The following ANK1 variants were observed in gnomAD, a reference collection of about 807,000 sequenced individuals.
ANK1 encodes ankyrin-1.
A neutral mutation model predicts 210.4 loss-of-function variants in ANK1; 51 were observed. That is an observed-to-expected ratio of 0.24 (90% CI 0.19 to 0.31). The LOEUF is 0.31. Ranked by LOEUF, ANK1 falls within the 10% of genes least tolerant of loss-of-function variation. The probability of loss-of-function intolerance (pLI) is 1.00; values close to 1 mark genes in which losing one functional copy is unlikely to be tolerated. For missense variants in ANK1, 2,051 were observed against 2,504.4 expected, an observed-to-expected ratio of 0.82 and a Z score of 3.86; for synonymous variants, 967 against 1,025.9, an observed-to-expected ratio of 0.94 and a Z score of 1.10.
At chr8:41,734,450 C>A (rs1374327991) in intron 2 of ANK1, among the ~76,000 whole-genome samples, 2 of 152,184 alleles carry the variant, frequency 1.3e-5, no homozygotes. Flanking sequence ...CCAGGAAAAG[C>A]AAAGTGGTAA....
At chr8:41,732,940 G>A (rs1465977425) in intron 3 of ANK1, among the ~76,000 whole-genome samples, 1 of 151,846 alleles carries the variant, frequency 6.6e-6, no homozygotes, top group Non-Finnish European at 1.5e-5. Flanking sequence ...GTTTCACCAT[G>A]TTGGCCAAGC....
intron 1 of ANK1, among the ~76,000 whole-genome samples, chr8:41,886,625 TG>T (rs1331675746): frequency 6.6e-6 from 1 of 152,218 alleles, no homozygotes; most frequent in Non-Finnish European, 1.5e-5. Context: ...TTGACATTGA[TG>T]TTGGAGGCCA....
intron 1 of ANK1, among the ~76,000 whole-genome samples, chr8:41,878,438 C>T (rs921917005): frequency 1.2e-4 from 18 of 152,224 alleles, no homozygotes; most frequent in African/African-American, 3.6e-4. Context: ...ATGGAAATTA[C>T]ACCTTCAGAC....
intron 37 of ANK1, among the ~76,000 whole-genome samples, chr8:41,675,313 T>C (rs1178158932): frequency 1.3e-5 from 2 of 152,222 alleles, no homozygotes; most frequent in African/African-American, 4.8e-5. Flanking sequence ...GCCAGGCTGG[T>C]CTCGAACTGC....
In ANK1 at chr8:41,693,780, G is replaced by A. The variant is rs111525605; in HGVS notation, c.3532+118C>T. 2,811 of 1,173,096 alleles carry A rather than the reference G, an allele frequency of 2.4e-3. 45 individuals carry two copies. The African/African-American group carries it at 0.035, about 15-fold the overall frequency. 72.7% of individuals were successfully genotyped at this position (1,173,096 alleles called of 1,614,324 possible). On this transcript the variant is annotated intron_variant, in intron 29 of 42. Coordinates refer to ENST00000289734, the MANE Select transcript of ANK1 (RefSeq NM_000037.4). The stretch of plus-strand genomic sequence containing the variant: ...TCTCTTGGAAGAGCACCTCACTCCC[G>A]GGGAAGTCAACAAAAACTAAGGGGA...
intron 3 of ANK1, among the ~76,000 whole-genome samples, chr8:41,733,587 C>A (rs1186723699): frequency 6.6e-6 from 1 of 152,210 alleles, no homozygotes; most frequent in Non-Finnish European, 1.5e-5. Flanking sequence ...GAAGCTGAGG[C>A]TTCACAGTGG....
In ANK1 at chr8:41,696,454, G is replaced by A; in HGVS notation, c.2869C>T (p.Gln957Ter). 6.2e-7 allele frequency: 1 copy of A among 1,613,384 alleles called. No homozygotes were observed. Among genetic ancestry groups the A allele is most frequent in the Non-Finnish European group, 8.5e-7 (1 of 1,179,918 alleles). Residue 957 changes from glutamine to a stop codon, truncating the protein, a stop_gained, in exon 26 of 43, where the codon CAG becomes TAG. Coordinates refer to ENST00000289734, the MANE Select transcript of ANK1 (RefSeq NM_000037.4). LOFTEE classifies it high-confidence loss of function. ...AGTGGGGGCGGCGTGCTGAGCTTCT[G>A]GGGCTTGACCAGGCGGCAGGTGATG... ...TRITCRLVKP[Q>*]KLSTPPPLAE... is the part of the protein sequence containing the mutation.
At chr8:41,703,923 T>C (rs1158488329) in intron 20 of ANK1, 118 bp downstream of exon 20, 2 of 911,980 alleles carry the variant, frequency 2.2e-6, no homozygotes, top group Non-Finnish European at 3.6e-6. Flanking sequence ...GGCTTTAGGG[T>C]GCTGCGGCCC....
chr8:41,827,746 A>ACG, intron 1 of ANK1, among the ~76,000 whole-genome samples: 1 of 148,330 alleles, frequency 6.7e-6, no homozygotes, highest in Middle Eastern at 3.5e-3. Context: ...ACACACGCAT[A>ACG]CATACACCCA....
chr8:41,753,089 G>C (rs1838198559), intron 2 of ANK1, among the ~76,000 whole-genome samples: 1 of 136,024 alleles, frequency 7.4e-6, no homozygotes, highest in Admixed American at 7.7e-5. Context: ...TTGAGACAGA[G>C]TCTTGCTCTG....
chr8:41,732,811 C>A (rs568751257), intron 3 of ANK1, among the ~76,000 whole-genome samples: 88 of 152,226 alleles, frequency 5.8e-4, no homozygotes, highest in Non-Finnish European at 1.9e-4. Context: ...TCACTGCAAC[C>A]TCCACCTCCG....
At chr8:41,755,320 T>A (rs1369022831) in intron 2 of ANK1, among the ~76,000 whole-genome samples, 3 of 152,248 alleles carry the variant, frequency 2.0e-5, no homozygotes, top group Non-Finnish European at 4.4e-5. Context: ...TATTCCCTGG[T>A]GGCATCAAAA....
chr8:41,715,539 G>A, intron 14 of ANK1, 113 bp downstream of exon 14: 1 of 1,368,214 alleles, frequency 7.3e-7, no homozygotes, highest in African/African-American at 1.4e-5. Context: ...CCTTCCAGCT[G>A]CTTGCAGCAT....
At chr8:41,829,444 A>G (rs1243018159) in intron 1 of ANK1, 1 of 152,250 alleles carries the variant, frequency 6.6e-6, no homozygotes, top group African/African-American at 2.4e-5. Context: ...GTTAAGTGCT[A>G]CTTGCTCAAG....
intron 2 of ANK1, among the ~76,000 whole-genome samples, chr8:41,757,789 C>T (rs763400419): frequency 2.6e-5 from 4 of 152,338 alleles, no homozygotes; most frequent in African/African-American, 7.2e-5. Context: ...AACTTCTAAG[C>T]GAGGAGACCG....
intron 1 of ANK1, among the ~76,000 whole-genome samples, chr8:41,839,070 CCTT>C (rs1344623824): frequency 6.6e-6 from 1 of 152,102 alleles, no homozygotes; most frequent in Non-Finnish European, 1.5e-5. Flanking sequence ...GAGTGAGACT[CCTT>C]CTCAAAAAAT....
intron 41 of ANK1, 126 bp downstream of exon 41, chr8:41,661,750 A>G: frequency 1.2e-6 from 2 of 1,609,180 alleles, no homozygotes; most frequent in South Asian, 2.2e-5. Flanking sequence ...CCGGCAGAGC[A>G]AGGCAGCAGT....
chr8:41,660,976 AT>A (rs1807893187), intron 42 of ANK1: 1 of 272,326 alleles, frequency 3.7e-6, no homozygotes, highest in Admixed American at 5.2e-5. Flanking sequence ...GGTTTCCAAG[AT>A]AATATTACCA....
intron 37 of ANK1, among the ~76,000 whole-genome samples, chr8:41,680,650 T>C (rs989167596): frequency 1.3e-5 from 2 of 150,512 alleles, no homozygotes; most frequent in African/African-American, 4.9e-5. Context: ...ACTCTGGGAG[T>C]CCTTCCCTGG....
Sources: allele counts gnomAD v4.1 joint callset (sites outside exome capture counted in the v4.1 genomes callset), GRCh38; gene constraint gnomAD v4.1.1; transcripts MANE v1.5; gene names NCBI Gene and HGNC (gene_info 2026-07-23, HGNC 2026-07-21).